Variants in SPRED2 observed in about 807,000 individuals in gnomAD.
The protein encoded by SPRED2 is sprouty related EVH1 domain containing 2.
SPRED2 carries 47 observed loss-of-function variants against 43.0 expected under a neutral mutation model. The ratio of observed to expected loss-of-function variants is 1.09; its 90% CI spans 0.87 to 1.40. SPRED2 has a LOEUF of 1.40. Ranked by LOEUF, SPRED2 falls within the 40% of genes most tolerant of loss-of-function variation. The pLI is 0.00. For synonymous variants in SPRED2, 225 were observed against 225.7 expected (o/e 1.00, Z 0.03); for missense variants, 561 against 586.4 (o/e 0.96, Z 0.45).
intron 1 of SPRED2, among the ~76,000 whole-genome samples, chr2:65,430,761 A>C (rs1676662396): frequency 6.6e-6 from 1 of 152,008 alleles, no homozygotes; most frequent in Non-Finnish European, 1.5e-5. Context: ...ACCTTGGCTA[A>C]TGGCAGCACT....
At chr2:65,331,513 C>T (rs958443210) in intron 4 of SPRED2, among the ~76,000 whole-genome samples, 2 of 152,188 alleles carry the variant, frequency 1.3e-5, no homozygotes, top group Non-Finnish European at 2.9e-5. Context: ...CCTTTCTTAT[C>T]AGATGTTTAA....
At chr2:65,343,772 T>G (rs1269834372) in intron 2 of SPRED2, among the ~76,000 whole-genome samples, 1 of 152,170 alleles carries the variant, frequency 6.6e-6, no homozygotes, top group Admixed American at 6.5e-5. Context: ...TAAGACCATA[T>G]ATTATGAAGT....
intron 1 of SPRED2, among the ~76,000 whole-genome samples, chr2:65,375,142 G>C (rs1159428952): frequency 6.6e-6 from 1 of 152,226 alleles, no homozygotes; most frequent in African/African-American, 2.4e-5. Context: ...GAGACTTGGG[G>C]GCCCCTGCCC....
chr2:65,405,545 G>A (rs938172599), intron 1 of SPRED2, among the ~76,000 whole-genome samples: 4 of 152,070 alleles, frequency 2.6e-5, no homozygotes, highest in Non-Finnish European at 4.4e-5. Context: ...GTCCAAACGA[G>A]CAGGACAAAA....
intron 1 of SPRED2, among the ~76,000 whole-genome samples, chr2:65,431,103 G>C (rs1458404023): frequency 6.6e-6 from 1 of 152,102 alleles, no homozygotes; most frequent in East Asian, 1.9e-4. Context: ...ACAGTCACGG[G>C]TCCCGCGCGG....
chr2:65,386,297 AAAAAAAAG>A (rs1420650685), intron 1 of SPRED2, among the ~76,000 whole-genome samples: 8 of 148,536 alleles, frequency 5.4e-5, no homozygotes, highest in African/African-American at 1.7e-4. Flanking sequence ...AAAAAAAAAA[AAAAAAAAG>A]AAAGCACTGG....
chr2:65,425,870 C>A (rs1224991446), intron 1 of SPRED2, among the ~76,000 whole-genome samples: 2 of 152,200 alleles, frequency 1.3e-5, no homozygotes, highest in African/African-American at 2.4e-5. Context: ...TAAAAACAAG[C>A]CCAAACAAAT....
At chr2:65,357,432 C>A (rs761923964) in intron 1 of SPRED2, among the ~76,000 whole-genome samples, 1 of 152,174 alleles carries the variant, frequency 6.6e-6, no homozygotes, top group Non-Finnish European at 1.5e-5. Context: ...TCCTCTCTCA[C>A]GTGGAAAAAT....
At chr2:65,321,420 C>A (rs1673404590) in intron 4 of SPRED2, among the ~76,000 whole-genome samples, 1 of 150,728 alleles carries the variant, frequency 6.6e-6, no homozygotes, top group South Asian at 2.1e-4. Flanking sequence ...GCCTGTAATC[C>A]CAGCGCTTTG....
rs115811636 is a variant in SPRED2 at position 65,330,769 on chromosome 2, G to C, written c.438+1218C>G. ...CCCTTAAATTCCTTTGTGAACCTCA[G>C]GGGACACATGCTAAAGTACGAGAGG... On this transcript the variant is annotated intron_variant, in intron 4 of 5. Transcript: ENST00000356388. 2.7e-3 allele frequency among the ~76,000 whole-genome samples: 412 copies of C among 152,288 alleles called. 2 individuals are homozygous for C. The highest frequency in any genetic ancestry group is 9.0e-3 in the African/African-American group (376 of 41,558).
At chr2:65,353,414 C>T (rs774141995) in intron 1 of SPRED2, among the ~76,000 whole-genome samples, 1 of 152,202 alleles carries the variant, frequency 6.6e-6, no homozygotes, top group African/African-American at 2.4e-5. Context: ...TTAAAAGAGG[C>T]CGTTTCCTCC....
At chr2:65,401,180 T>A (rs77491321) in intron 1 of SPRED2, among the ~76,000 whole-genome samples, 1 of 151,872 alleles carries the variant, frequency 6.6e-6, no homozygotes, top group East Asian at 2.0e-4. Flanking sequence ...TTCACCACGT[T>A]GGCCAGGCTG....
chr2:65,387,017 T>C (rs1675518318), intron 1 of SPRED2, among the ~76,000 whole-genome samples: 1 of 151,772 alleles, frequency 6.6e-6, no homozygotes, highest in South Asian at 2.1e-4. Context: ...GGTTCTAATG[T>C]TATAGAAAAA....
intron 1 of SPRED2, among the ~76,000 whole-genome samples, chr2:65,365,494 G>A (rs1451905742): frequency 1.3e-5 from 2 of 152,232 alleles, no homozygotes; most frequent in Non-Finnish European, 2.9e-5. Context: ...AAGGGGAAGA[G>A]AAACAAAGAT....
At chr2:65,410,900 C>G (rs982354115) in intron 1 of SPRED2, among the ~76,000 whole-genome samples, 2 of 152,120 alleles carry the variant, frequency 1.3e-5, no homozygotes, top group East Asian at 3.8e-4. Flanking sequence ...GTAGACTTTT[C>G]CTTTGGAGAG....
intron 1 of SPRED2, among the ~76,000 whole-genome samples, chr2:65,368,873 G>T (rs936901113): frequency 2.2e-4 from 34 of 152,110 alleles, no homozygotes; most frequent in Admixed American, 8.5e-4. Flanking sequence ...CTTGAGGCTG[G>T]AGACCAGCCT....
chr2:65,362,585 G>A (rs757833241), intron 1 of SPRED2, among the ~76,000 whole-genome samples: 5 of 152,022 alleles, frequency 3.3e-5, no homozygotes, highest in African/African-American at 4.8e-5. Context: ...CTGTTATGAA[G>A]AAACCTTGGC....
intron 2 of SPRED2, among the ~76,000 whole-genome samples, chr2:65,335,917 T>C (rs1673953712): frequency 6.6e-6 from 1 of 151,706 alleles, no homozygotes; most frequent in Non-Finnish European, 1.5e-5. Flanking sequence ...CCCAATCTTG[T>C]TCTGGCAAAG....
intron 1 of SPRED2, among the ~76,000 whole-genome samples, chr2:65,391,110 T>G (rs543637035): frequency 6.8e-6 from 1 of 147,774 alleles, no homozygotes; most frequent in Non-Finnish European, 1.5e-5. Context: ...AAAAATCTAC[T>G]GCCTGACTAC....
Sources: allele counts gnomAD v4.1 joint callset (sites outside exome capture counted in the v4.1 genomes callset), GRCh38; gene constraint gnomAD v4.1.1; transcripts MANE v1.5; gene names NCBI Gene and HGNC (gene_info 2026-07-23, HGNC 2026-07-21).